The following PTPRD variants were observed in gnomAD, a reference collection of about 807,000 sequenced individuals.
The protein encoded by PTPRD is protein tyrosine phosphatase receptor type D.
PTPRD carries 34 observed loss-of-function variants against 214.5 expected under a neutral mutation model. The observed-to-expected ratio is 0.16, with a 90% confidence interval of 0.12 to 0.21. The LOEUF (loss-of-function observed/expected upper bound fraction) is 0.21. PTPRD is among the 10% of genes least tolerant of loss of function. PTPRD has a pLI of 1.00. For missense variants in PTPRD, 2,545 were observed against 2,398.7 expected (o/e 1.06, Z -1.27); for synonymous variants, 1,128 against 845.7 (o/e 1.33, Z -5.79).
chr9:8,495,598 T>C (rs146990481), intron 26 of PTPRD, among the ~76,000 whole-genome samples: 2 of 152,184 alleles, frequency 1.3e-5, no homozygotes, highest in Non-Finnish European at 1.5e-5. Flanking sequence ...AAACAGAAAA[T>C]GAAGTGGAAT....
At chr9:8,376,513 T>A in intron 38 of PTPRD, 94 bp downstream of exon 38, 1 of 1,559,316 alleles carries the variant, frequency 6.4e-7, no homozygotes. Flanking sequence ...GAGATCAAGA[T>A]TTAAGTAAAG....
chr9:9,357,269 A>T (rs544228662), intron 9 of PTPRD, among the ~76,000 whole-genome samples: 21 of 151,454 alleles, frequency 1.4e-4, no homozygotes, highest in Middle Eastern at 3.4e-3. Context: ...TTCAGTTAGG[A>T]CTTTGGGGAT....
intron 5 of PTPRD, among the ~76,000 whole-genome samples, chr9:9,808,110 C>A (rs116928566): frequency 0.025 from 3,730 of 152,162 alleles, 59 homozygotes; most frequent in Middle Eastern, 0.058. Flanking sequence ...TTGTTTAAGC[C>A]ACACTTAATC....
intron 40 of PTPRD, 45 bp from the exon 41 acceptor site, chr9:8,341,313 A>AT: frequency 6.5e-7 from 1 of 1,529,154 alleles, no homozygotes; most frequent in Non-Finnish European, 8.8e-7. Flanking sequence ...AACAAAGATC[A>AT]TTTTCACCTA....
At chr9:8,833,500 T>C (rs1237731672) in intron 11 of PTPRD, among the ~76,000 whole-genome samples, 1 of 151,440 alleles carries the variant, frequency 6.6e-6, no homozygotes, top group African/African-American at 2.4e-5. Flanking sequence ...TCAAAGCAAA[T>C]ATTCAGGCTG....
chr9:8,563,822 C>T (rs914944439), intron 14 of PTPRD, among the ~76,000 whole-genome samples: 1 of 152,114 alleles, frequency 6.6e-6, no homozygotes, highest in Non-Finnish European at 1.5e-5. Context: ...CCATCACACT[C>T]AGTTCTAAGT....
intron 44 of PTPRD, among the ~76,000 whole-genome samples, chr9:8,322,915 C>G (rs1189595567): frequency 6.6e-6 from 1 of 152,114 alleles, no homozygotes; most frequent in Non-Finnish European, 1.5e-5. Flanking sequence ...GCTCATTTAC[C>G]ATTTGAAAAT....
chr9:8,843,988 T>C (rs570518857), intron 11 of PTPRD, among the ~76,000 whole-genome samples: 3 of 152,266 alleles, frequency 2.0e-5, no homozygotes, highest in South Asian at 4.1e-4. Context: ...ATCTGAAAAA[T>C]GGTCATCACC....
At chr9:10,514,345 C>G (rs923238691) in intron 2 of PTPRD, among the ~76,000 whole-genome samples, 6 of 151,256 alleles carry the variant, frequency 4.0e-5, no homozygotes, top group Non-Finnish European at 5.9e-5. Context: ...ACATTTAGAA[C>G]TTTGATTGAT....
chr9:9,042,619 CT>C lies in PTPRD; in HGVS notation c.-142-23885del, dbSNP rs869116004. Among the ~76,000 whole-genome samples, 192 of 62,316 alleles carry C rather than the reference CT, an allele frequency of 3.1e-3. 1 individual carries two copies. The highest frequency in any genetic ancestry group is 0.01 in the African/African-American group (186 of 18,434). 40.9% of individuals were successfully genotyped at this position (62,316 alleles called of 152,430 possible). A position where few individuals can be genotyped will look rare whatever the true frequency, so the allele number is the denominator to read the frequency against. On this transcript the variant is annotated intron_variant, in intron 10 of 45. Coordinates refer to ENST00000381196, the MANE Select transcript of PTPRD (RefSeq NM_002839.4). ...TAGCATTTTTTCTTTTTTTTCTTTT[CT>C]TTTTTTTTTTTTTTGGTCTATTCAA...
chr9:9,940,295 C>T (rs145901615), intron 4 of PTPRD, among the ~76,000 whole-genome samples: 2 of 152,230 alleles, frequency 1.3e-5, no homozygotes, highest in African/African-American at 4.8e-5. Context: ...CGCTCATCTT[C>T]TCCCTTACCT....
intron 5 of PTPRD, among the ~76,000 whole-genome samples, chr9:9,902,809 C>T (rs761277431): frequency 9.2e-5 from 14 of 152,052 alleles, no homozygotes; most frequent in Middle Eastern, 3.2e-3. Flanking sequence ...CATTCACAAA[C>T]TTTTTCCAAG....
intron 7 of PTPRD, among the ~76,000 whole-genome samples, chr9:9,686,703 A>G (rs2154400915): frequency 6.6e-6 from 1 of 151,906 alleles, no homozygotes; most frequent in East Asian, 1.9e-4. Flanking sequence ...ATCAATGAAT[A>G]TTTACAAGTT....
intron 14 of PTPRD, among the ~76,000 whole-genome samples, chr9:8,564,527 C>G (rs2088037770): frequency 6.6e-6 from 1 of 151,970 alleles, no homozygotes; most frequent in African/African-American, 2.4e-5. Context: ...ATGGTGAAAC[C>G]CTATCTCTAC....
At chr9:10,328,470 T>G (rs1343843450) in intron 3 of PTPRD, among the ~76,000 whole-genome samples, 1 of 151,708 alleles carries the variant, frequency 6.6e-6, no homozygotes, top group African/African-American at 2.4e-5. Flanking sequence ...AAATGTGCAT[T>G]GCACACCCCT....
intron 7 of PTPRD, among the ~76,000 whole-genome samples, chr9:9,618,602 TAAAG>T (rs939683599): frequency 2.0e-5 from 3 of 151,972 alleles, no homozygotes; most frequent in Non-Finnish European, 4.4e-5. Context: ...ACTGTACTGT[TAAAG>T]AGAGGAAACA....
At chr9:8,480,766 G>A (rs1350587713) in intron 30 of PTPRD, among the ~76,000 whole-genome samples, 4 of 152,028 alleles carry the variant, frequency 2.6e-5, no homozygotes, top group Admixed American at 2.6e-4. Flanking sequence ...ACAAATCAAG[G>A]AATATAATCC....
intron 2 of PTPRD, among the ~76,000 whole-genome samples, chr9:10,381,101 C>CA (rs556330760): frequency 4.4e-4 from 64 of 144,962 alleles, no homozygotes; most frequent in South Asian, 2.0e-3. Context: ...AATATAAGAC[C>CA]AAAAAAAAAA....
chr9:10,108,312 T>G (rs1387772563), intron 3 of PTPRD, among the ~76,000 whole-genome samples: 1 of 152,132 alleles, frequency 6.6e-6, no homozygotes, highest in Non-Finnish European at 1.5e-5. Context: ...GTATTTTTTT[T>G]GTAGCGAGAA....
Sources: gnomAD v4.1 joint callset for allele counts (sites outside exome capture counted in the v4.1 genomes callset) on GRCh38, gnomAD v4.1.1 for gene constraint, MANE v1.5 for transcripts, NCBI Gene and HGNC (gene_info 2026-07-23, HGNC 2026-07-21) for gene names.